Variants in MAN2B1 observed in about 807,000 individuals in gnomAD.
MAN2B1 encodes mannosidase alpha class 2B member 1, also known as lysosomal alpha-mannosidase.
A neutral mutation model predicts 127.5 loss-of-function variants in MAN2B1; 99 were observed. The ratio of observed to expected loss-of-function variants is 0.78; its 90% confidence interval spans 0.66 to 0.92. The LOEUF (loss-of-function observed/expected upper bound fraction) is 0.92, where lower values mean the gene tolerates loss of function less well. Ranked by LOEUF, MAN2B1 falls within the 40% of genes least tolerant of loss-of-function variation. MAN2B1 has a pLI of 0.00. For missense variants in MAN2B1, 1,304 were observed against 1,384.8 expected (o/e 0.94, Z 0.93); for synonymous variants, 573 against 568.8 (o/e 1.01, Z -0.11).
rs1290898228 is a variant in MAN2B1 at position 12,666,533 on chromosome 19, C to T, written c.159+10G>A. The T allele has an allele frequency of 7.6e-6, 12 of 1,577,828 alleles. No individual in the cohort carries two copies. The highest frequency in any genetic ancestry group is 1.0e-5 in the Non-Finnish European group (12 of 1,161,914). On this transcript the variant is annotated intron_variant, in intron 1 of 23. Transcript: ENST00000456935. ...CCTCCTGTACGTTTCAGCTCGGAGG[C>T]CCCACTCACCTCGTATCCCCCGGCC...
Position 12,655,674 on chromosome 19 carries a change from G to A in MAN2B1, c.1830+20C>T, listed in dbSNP as rs751073488. On this transcript the variant is annotated intron_variant, in intron 14 of 23. Transcript: ENST00000456935. ...AAATTTGTCACAGGAGCAGGAAAGG[G>A]GATTGAAATGGGGTCTCACCTCATT... 4.4e-6 allele frequency: 7 copies of A among 1,603,520 alleles called. No homozygotes were observed. In the African/African-American group the frequency reaches 9.4e-5, roughly 21 times the overall value.
intron 7 of MAN2B1, chr19:12,660,975 T>G: frequency 2.7e-6 from 1 of 371,970 alleles, no homozygotes; most frequent in Non-Finnish European, 5.3e-6. Context: ...GTCAGGCTGG[T>G]CTCGAATTCC....
rs2023965888 is a variant in MAN2B1, at chr19:12,656,619, T to G, written c.1596A>C (p.Glu532Asp). Reference sequence around the variant, plus strand: ...TGGGGTCCTTCACAACGAAAACGCCTTCGCTGACCGGCAGCCGTACCATCC... The same window carrying G: ...TGGGGTCCTTCACAACGAAAACGCCGTCGCTGACCGGCAGCCGTACCATCC... ...VNWMVRLPVS[E>D]GVFVVKDPNG... The change falls in exon 13 of 24, where the codon GAA (glutamate) becomes GAC (aspartate). Residue 532 changes from glutamate to aspartate, a missense_variant. By Grantham distance (45) the Glu-to-Asp change is conservative. Transcript: ENST00000456935. 4.3e-6 allele frequency: 7 copies of G among 1,614,008 alleles called. No homozygotes were observed. Among genetic ancestry groups the G allele is most frequent in the Non-Finnish European group, 5.9e-6 (7 of 1,179,956 alleles).
intron 6 of MAN2B1, 92 bp from the exon 7 acceptor site, chr19:12,661,468 G>A (rs1799468711): frequency 4.6e-6 from 4 of 864,762 alleles, no homozygotes; most frequent in Admixed American, 3.4e-5. Flanking sequence ...AAGGATGTTG[G>A]GTGCACAGGC....
intron 16 of MAN2B1, among the ~76,000 whole-genome samples, chr19:12,651,905 G>A (rs560745506): frequency 2.0e-5 from 3 of 152,284 alleles, no homozygotes; most frequent in African/African-American, 7.2e-5. Context: ...GTATGTAAAC[G>A]TCCACAGCAG....
chr19:12,649,606 C>T (rs944644174), intron 18 of MAN2B1, among the ~76,000 whole-genome samples, 178 bp from the exon 19 acceptor site: 1 of 151,426 alleles, frequency 6.6e-6, no homozygotes, highest in Non-Finnish European at 1.5e-5. Flanking sequence ...CTCAGCCTCC[C>T]GAGTAGCTGG....
chr19:12,661,409 G>C lies in MAN2B1; in HGVS notation c.910-33C>G, dbSNP rs774276222. On this transcript the variant is annotated intron_variant, in intron 6 of 23. Coordinates refer to ENST00000456935, the MANE Select transcript of MAN2B1 (RefSeq NM_000528.4). ...CAAGAGGGGAGTCCTGAAGCCAGAG[G>C]ATCCTGGGCCATCCCTGTGTATAGC... The C allele has an allele frequency of 3.6e-6, 5 of 1,387,684 alleles. No homozygotes were observed. The South Asian group carries it at 5.7e-5, about 16-fold the overall frequency. 86.0% of individuals were successfully genotyped at this position (1,387,684 alleles called of 1,614,324 possible).
intron 4 of MAN2B1, 73 bp downstream of exon 4, chr19:12,664,719 G>T: frequency 6.9e-7 from 1 of 1,449,816 alleles, no homozygotes. Context: ...CAGGGAGAGG[G>T]CGGGGTTTGA....
intron 7 of MAN2B1, among the ~76,000 whole-genome samples, chr19:12,660,080 T>C (rs2024066495): frequency 6.6e-6 from 1 of 152,066 alleles, no homozygotes; most frequent in South Asian, 2.1e-4. Flanking sequence ...AACACATCTG[T>C]GTTGGGTAAA....
Position 12,649,179 on chromosome 19 carries a change from G to A in MAN2B1, c.2393C>T (p.Ser798Phe). Residue 798 changes from serine to phenylalanine, a missense_variant, in exon 20 of 24, where the codon TCC becomes TTC. Transcript: ENST00000456935. ...ATCTCTCAGGCTGCTGCCCCCCTGGGAGCGGTCAGTCAGCACAGTCAGCTG... is the reference window on the plus strand; with the variant it reads ...ATCTCTCAGGCTGCTGCCCCCCTGGAAGCGGTCAGTCAGCACAGTCAGCTG... ...NMQLTVLTDR[S>F]QGGSSLRDGS... The A allele has an allele frequency of 6.2e-7, 1 of 1,612,940 alleles. No homozygotes were observed. The highest frequency in any genetic ancestry group is 8.5e-7 in the Non-Finnish European group (1 of 1,180,030).
chr19:12,659,330 C>A (rs186868708), intron 7 of MAN2B1, among the ~76,000 whole-genome samples: 1 of 133,162 alleles, frequency 7.5e-6, no homozygotes, highest in African/African-American at 2.9e-5. Flanking sequence ...GAGACTGAGT[C>A]TGACTCTGTC....
Position 12,646,673 on chromosome 19 carries a change from T to C in MAN2B1, c.2983A>G (p.Met995Val). ...LDPANITLEP[M>V]EIRTFLASVQ... ...GAGGCCAGGAAAGTGCGGATTTCCA[T>C]GGGTTCCAGCGTGATGTTGGCCGGG... The change falls in exon 24 of 24, where the codon ATG becomes GTG. Residue 995 changes from methionine (M) to valine (V), a missense_variant. Coordinates refer to ENST00000456935, the MANE Select transcript of MAN2B1 (RefSeq NM_000528.4). The C allele has an allele frequency of 1.2e-6, 2 of 1,614,054 alleles. No homozygotes were observed. Among genetic ancestry groups the C allele is most frequent in the African/African-American group, 1.3e-5 (1 of 75,002 alleles).
chr19:12,650,212 A>G lies in MAN2B1; in HGVS notation c.2057T>C (p.Val686Ala), dbSNP rs745749915. 23 of 1,612,408 alleles carry G rather than the reference A, an allele frequency of 1.4e-5. No homozygotes were observed. Among genetic ancestry groups the G allele is most frequent in the Non-Finnish European group, 1.8e-5 (21 of 1,178,860 alleles). ...AQIHLVKTPL[V>A]QEVHQNFSAW... is the part of the protein sequence containing the mutation. Reference sequence around the variant, plus strand: ...TGAGAAGTTCTGGTGCACCTCCTGCACCAAGGGTGTCTGCGGGCACACGGG... The same window carrying G: ...TGAGAAGTTCTGGTGCACCTCCTGCGCCAAGGGTGTCTGCGGGCACACGGG... The change falls in exon 17 of 24, where the codon GTG becomes GCG. Residue 686 changes from valine (V) to alanine (A), a missense_variant. Val to Ala is a moderately conservative substitution (Grantham distance 64, BLOSUM62 0). Coordinates refer to ENST00000456935, the MANE Select transcript of MAN2B1 (RefSeq NM_000528.4).
rs747166225 is a variant in MAN2B1 at position 12,647,441 on chromosome 19, A to G, written c.2820+2T>C. 1 of 1,613,894 alleles carries G rather than the reference A, an allele frequency of 6.2e-7. No homozygotes were observed. The highest frequency in any genetic ancestry group is 1.1e-5 in the South Asian group (1 of 91,070). ...TCTCCTTCTCAATTTTGCCCTTCTC[A>G]CCCTCAAGTTCAAGGTAACGGGGGC... On this transcript the variant is annotated splice_donor_variant, in intron 22 of 23. Transcript: ENST00000456935. LOFTEE classifies it high-confidence loss of function. This position sits in a 1 kb window ranked among gnomAD's most constrained non-coding sequence, Gnocchi z 4.9.
In MAN2B1 at chr19:12,649,957, T is replaced by C. The variant is rs1364577616; in HGVS notation, c.2223A>G (p.Gly741=). Reference sequence around the variant, plus strand: ...GGCCATTGCTGTCTGTGTAGAAGCGTCCCTTTGTCTCCAGCGGTGTGTCAA... The same window carrying C: ...GGCCATTGCTGTCTGTGTAGAAGCGCCCCTTTGTCTCCAGCGGTGTGTCAA... The part of the protein sequence containing the change: ...SRFDTPLETK[G]RFYTDSNGRE... The change falls in exon 18 of 24, where the codon GGA becomes GGG. Residue 741 remains glycine (G), a synonymous_variant. Coordinates refer to ENST00000456935, the MANE Select transcript of MAN2B1 (RefSeq NM_000528.4). 6.2e-7 allele frequency: 1 copy of C among 1,612,402 alleles called. No homozygotes were observed. The highest frequency in any genetic ancestry group is 8.5e-7 in the Non-Finnish European group (1 of 1,179,258).
At chr19:12,656,511 T>G in intron 13 of MAN2B1, 60 bp downstream of exon 13, 151 of 1,195,648 alleles carry the variant, frequency 1.3e-4, no homozygotes, top group Middle Eastern at 2.3e-4. Context: ...ATGGGGGCGA[T>G]GAGGAAATGC....
chr19:12,657,858 G>A (rs1054226582), intron 10 of MAN2B1: 2 of 621,894 alleles, frequency 3.2e-6, no homozygotes, highest in Non-Finnish European at 2.8e-6. Context: ...GGGAGGCTGA[G>A]TCAGGAGAAT....
intron 13 of MAN2B1, 185 bp downstream of exon 13, chr19:12,656,384 TCA>T: frequency 1.8e-6 from 1 of 540,940 alleles, no homozygotes; most frequent in Non-Finnish European, 3.3e-6. Flanking sequence ...GGAGGACCAC[TCA>T]CAGGAGGCAT....
At chr19:12,665,040 G>A in intron 3 of MAN2B1, 55 bp from the exon 4 acceptor site, 1 of 1,507,514 alleles carries the variant, frequency 6.6e-7, no homozygotes, top group Non-Finnish European at 9.2e-7. Flanking sequence ...AGTGGGAGTA[G>A]GGTGGGTGAT....
Sources: gnomAD v4.1 joint callset for allele counts (sites outside exome capture counted in the v4.1 genomes callset) on GRCh38, gnomAD v4.1.1 for gene constraint, Gnocchi (gnomAD v3.1) non-coding constraint, MANE v1.5 for transcripts, NCBI Gene and HGNC (gene_info 2026-07-23, HGNC 2026-07-21) for gene names.